Variants in NEDD4L observed in about 807,000 individuals in gnomAD.
NEDD4L encodes the protein NEDD4 like E3 ubiquitin protein ligase.
A neutral mutation model predicts 148.9 loss-of-function variants in NEDD4L; 54 were observed. The ratio of observed to expected loss-of-function variants is 0.36; its 90% CI spans 0.29 to 0.45. NEDD4L has a LOEUF of 0.45. NEDD4L is among the 20% of genes least tolerant of loss of function. The pLI, the probability that NEDD4L is intolerant of heterozygous loss-of-function variation, is 1.00. For synonymous variants in NEDD4L, 433 were observed against 440.7 expected, an observed-to-expected ratio of 0.98 and a Z score of 0.22; for missense variants, 856 against 1,233.8, an observed-to-expected ratio of 0.69 and a Z score of 4.59.
At chr18:58,149,570 G>T (rs1599116700) in intron 1 of NEDD4L, 5 of 1,528,326 alleles carry the variant, frequency 3.3e-6, no homozygotes, top group Non-Finnish European at 4.4e-6. Context: ...GTAACACTCG[G>T]TAAGACTTTG....
At chr18:58,388,589 C>T (rs958713472) in intron 27 of NEDD4L, 2 of 153,046 alleles carry the variant, frequency 1.3e-5, no homozygotes, top group Non-Finnish European at 2.9e-5. Flanking sequence ...TGTGCCTTAG[C>T]GTATGTCTGC....
At chr18:58,319,622 C>T (rs1173184269) in intron 6 of NEDD4L, among the ~76,000 whole-genome samples, 3 of 152,162 alleles carry the variant, frequency 2.0e-5, no homozygotes, top group Non-Finnish European at 4.4e-5. Context: ...CAAAGCCATC[C>T]TGGGAGGCTC....
intron 1 of NEDD4L, among the ~76,000 whole-genome samples, chr18:58,159,246 G>A (rs1415914093): frequency 6.6e-6 from 1 of 152,006 alleles, no homozygotes; most frequent in Non-Finnish European, 1.5e-5. Context: ...ATGCAGGCAG[G>A]GGAGGGATGA....
chr18:58,253,759 T>TA (rs1264395599), intron 5 of NEDD4L, among the ~76,000 whole-genome samples: 1 of 152,192 alleles, frequency 6.6e-6, no homozygotes, highest in Non-Finnish European at 1.5e-5. Context: ...AATTCACTGT[T>TA]AAAAAATTGT....
chr18:58,186,097 G>GTATGCACACGCACACAGAGAAGGATACA (rs1568349870), intron 2 of NEDD4L, among the ~76,000 whole-genome samples: 39 of 143,800 alleles, frequency 2.7e-4, no homozygotes, highest in African/African-American at 1.1e-3. Flanking sequence ...AGAAGGATAC[G>GTATGCACACGCACACAGAGAAGGATACA]TATGCACACG....
chr18:58,383,924 T>C (rs1449156682), intron 25 of NEDD4L, among the ~76,000 whole-genome samples: 9 of 152,172 alleles, frequency 5.9e-5, no homozygotes, highest in Non-Finnish European at 1.3e-4. Flanking sequence ...GCACGTTACG[T>C]TTTCTTTTTT....
chr18:58,125,120 G>A (rs979918357), intron 1 of NEDD4L, among the ~76,000 whole-genome samples: 9 of 152,142 alleles, frequency 5.9e-5, no homozygotes, highest in African/African-American at 2.2e-4. Flanking sequence ...AGCTGGTCTC[G>A]AACTCATGGC....
intron 2 of NEDD4L, among the ~76,000 whole-genome samples, chr18:58,204,954 G>A (rs900420612): frequency 6.6e-6 from 1 of 152,140 alleles, no homozygotes; most frequent in Non-Finnish European, 1.5e-5. Context: ...GGAGGAACTC[G>A]GCATCAAACC....
intron 1 of NEDD4L, among the ~76,000 whole-genome samples, chr18:58,111,103 T>C (rs1220527999): frequency 6.6e-6 from 1 of 152,242 alleles, no homozygotes; most frequent in African/African-American, 2.4e-5. Flanking sequence ...AGAGTCTCAC[T>C]GTCGCCCAGG....
At chr18:58,220,315 A>G (rs2043595408) in intron 2 of NEDD4L, among the ~76,000 whole-genome samples, 1 of 152,154 alleles carries the variant, frequency 6.6e-6, no homozygotes, top group Non-Finnish European at 1.5e-5. Context: ...CTGAGGCACA[A>G]GAATTGCTTA....
At chr18:58,367,496 G>A (rs1007809185) in intron 21 of NEDD4L, among the ~76,000 whole-genome samples, 36 of 152,144 alleles carry the variant, frequency 2.4e-4, no homozygotes, top group African/African-American at 8.4e-4. Flanking sequence ...TAGACACTTC[G>A]TAGGTCAAAA....
intron 1 of NEDD4L, among the ~76,000 whole-genome samples, chr18:58,143,251 G>T (rs925556148): frequency 7.2e-5 from 11 of 152,168 alleles, no homozygotes; most frequent in Admixed American, 6.5e-4. Flanking sequence ...GCTTAATAAT[G>T]TGCCCAGGTA....
At position 58,370,713 on chromosome 18, in the gene NEDD4L, G is replaced by A. The variant is rs138930522; in HGVS notation, c.2256+246G>A. Among the ~76,000 whole-genome samples the A allele has an allele frequency of 2.6e-3, 396 of 152,302 alleles. 1 individual carries two copies. Among genetic ancestry groups the A allele is most frequent in the Non-Finnish European group, 4.9e-3 (331 of 68,026 alleles). On this transcript the variant is annotated intron_variant, in intron 23 of 30. Transcript: ENST00000400345. ...AAATCCCAGTTGCCTCTGCTTACCC[G>A]GCATAGGACTTGTGTGAACTTACTA...
intron 1 of NEDD4L, chr18:58,045,707 A>G (rs916279654): frequency 2.0e-5 from 3 of 152,308 alleles, no homozygotes; most frequent in African/African-American, 7.2e-5. Context: ...GTGGTTTGCC[A>G]TCTGGCGGGG....
In NEDD4L at chr18:58,242,035, TGTGA is replaced by T. The variant is rs558046110; in HGVS notation, c.123-3389_123-3386del. ...AAGAGTGAATTCTGATGAGCTTCAT[TGTGA>T]GTAAGAGTCCCAGTTTGATCATCTC... On this transcript the variant is annotated intron_variant, in intron 2 of 30. Coordinates refer to ENST00000400345, the MANE Select transcript of NEDD4L (RefSeq NM_001144967.3). 1.1e-4 allele frequency among the ~76,000 whole-genome samples: 16 copies of T among 152,258 alleles called. 1 individual carries two copies. In the South Asian group the frequency reaches 2.5e-3, roughly 24 times the overall value.
chr18:58,096,265 C>T (rs1436664076), intron 1 of NEDD4L, among the ~76,000 whole-genome samples: 1 of 151,920 alleles, frequency 6.6e-6, no homozygotes, highest in African/African-American at 2.4e-5. Context: ...ATTACATTTT[C>T]AGGGTAGTTT....
intron 2 of NEDD4L, among the ~76,000 whole-genome samples, chr18:58,214,623 G>A (rs2042947430): frequency 1.3e-5 from 2 of 150,374 alleles, no homozygotes; most frequent in African/African-American, 4.9e-5. Flanking sequence ...GTGTGTGTGT[G>A]TGTGTGTGTG....
chr18:58,056,912 T>G, intron 1 of NEDD4L, among the ~76,000 whole-genome samples: 1 of 146,968 alleles, frequency 6.8e-6, no homozygotes. Context: ...TTTTTTTTTG[T>G]TTGTTTGTTT....
chr18:58,330,004 T>C (rs1001971321), intron 10 of NEDD4L, among the ~76,000 whole-genome samples: 5 of 152,200 alleles, frequency 3.3e-5, no homozygotes, highest in African/African-American at 1.2e-4. Flanking sequence ...CATGAAAATA[T>C]AAATTTAGGT....
Sources: allele counts gnomAD v4.1 joint callset (sites outside exome capture counted in the v4.1 genomes callset), GRCh38; gene constraint gnomAD v4.1.1; transcripts MANE v1.5; gene names NCBI Gene and HGNC (gene_info 2026-07-23, HGNC 2026-07-21).